The following HIVEP2 variants were observed in gnomAD, a reference collection of about 807,000 sequenced individuals.
HIVEP2 encodes the protein transcription factor HIVEP2.
HIVEP2 carries 14 observed loss-of-function variants against 180.7 expected under a neutral mutation model. The ratio of observed to expected loss-of-function variants is 0.08; its 90% confidence interval spans 0.05 to 0.12. HIVEP2 has a LOEUF of 0.12. HIVEP2 is among the 10% of genes least tolerant of loss of function. HIVEP2 has a pLI of 1.00. For missense variants in HIVEP2, 2,579 were observed against 3,008.5 expected, an observed-to-expected ratio of 0.86 and a Z score of 3.34; for synonymous variants, 1,184 against 1,136.4, an observed-to-expected ratio of 1.04 and a Z score of -0.84.
intron 1 of HIVEP2, among the ~76,000 whole-genome samples, chr6:142,930,048 C>T (rs1777905308): frequency 6.6e-6 from 1 of 152,118 alleles, no homozygotes; most frequent in South Asian, 2.1e-4. Flanking sequence ...TGTTGTTTTT[C>T]CAGAAAACTG....
chr6:142,794,951 AT>A (rs1316437380), intron 2 of HIVEP2, among the ~76,000 whole-genome samples: 1 of 152,110 alleles, frequency 6.6e-6, no homozygotes, highest in Non-Finnish European at 1.5e-5. Flanking sequence ...CCTGAAAATC[AT>A]TTTCAGTGTC....
chr6:142,837,419 T>C (rs1334487), intron 1 of HIVEP2, among the ~76,000 whole-genome samples: 23,846 of 152,138 alleles, frequency 0.16, 2,418 homozygotes, highest in Middle Eastern at 0.24. Context: ...TCTAATTTAC[T>C]TATGCAATGA....
At chr6:142,850,872 T>C (rs574027572) in intron 1 of HIVEP2, among the ~76,000 whole-genome samples, 1 of 152,222 alleles carries the variant, frequency 6.6e-6, no homozygotes, top group Non-Finnish European at 1.5e-5. Flanking sequence ...CCCTGAACAC[T>C]GTCGCAGGAC....
rs531667048 is a variant in HIVEP2, at chr6:142,829,230, C to T, written c.-528+7705G>A. Among the ~76,000 whole-genome samples, 65 of 152,264 alleles carry T rather than the reference C, an allele frequency of 4.3e-4. No individual in the cohort carries two copies. In the South Asian group the frequency reaches 0.013, roughly 30 times the overall value. Reference sequence around the variant, plus strand: ...GACGTTCTATACTCTCTAGGTCTCTCGGTTCCTCCCTTCCTCTTCTTTCAT... The same window carrying T: ...GACGTTCTATACTCTCTAGGTCTCTTGGTTCCTCCCTTCCTCTTCTTTCAT... On this transcript the variant is annotated intron_variant, in intron 2 of 9. Transcript: ENST00000367603.
At chr6:142,793,489 T>C (rs1292438654) in intron 2 of HIVEP2, among the ~76,000 whole-genome samples, 2 of 152,174 alleles carry the variant, frequency 1.3e-5, no homozygotes, top group Non-Finnish European at 2.9e-5. Context: ...TACCAAAATA[T>C]GTATTGCTTG....
At chr6:142,871,519 T>C (rs62432360) in intron 1 of HIVEP2, among the ~76,000 whole-genome samples, 26,946 of 152,044 alleles carry the variant, frequency 0.18, 2,580 homozygotes, top group South Asian at 0.22. Flanking sequence ...AAACAAAAAC[T>C]TTATTAAAAT....
At chr6:142,877,121 A>C (rs990087046) in intron 1 of HIVEP2, among the ~76,000 whole-genome samples, 2 of 152,158 alleles carry the variant, frequency 1.3e-5, no homozygotes, top group Non-Finnish European at 2.9e-5. Context: ...AACTTTGTAT[A>C]TTTTTGCCCT....
chr6:142,869,527 C>A (rs1219014718), intron 1 of HIVEP2, among the ~76,000 whole-genome samples: 1 of 152,018 alleles, frequency 6.6e-6, no homozygotes, highest in Non-Finnish European at 1.5e-5. Context: ...AATTTGTTTT[C>A]AGTATTTTAA....
chr6:142,865,894 C>T (rs972788028), intron 1 of HIVEP2, among the ~76,000 whole-genome samples: 5 of 152,194 alleles, frequency 3.3e-5, no homozygotes, highest in African/African-American at 1.2e-4. Flanking sequence ...GTCAGTTACA[C>T]TTCTAGGCCA....
intron 2 of HIVEP2, among the ~76,000 whole-genome samples, chr6:142,793,648 C>CT (rs1345352201): frequency 2.7e-5 from 1 of 37,208 alleles, no homozygotes; most frequent in Admixed American, 3.2e-4. Flanking sequence ...TTCTTTCTTT[C>CT]TTTCTTTCTT....
intron 1 of HIVEP2, among the ~76,000 whole-genome samples, chr6:142,863,462 C>CA (rs1245442100): frequency 6.6e-6 from 1 of 151,884 alleles, no homozygotes; most frequent in South Asian, 2.1e-4. Context: ...AATTACTATA[C>CA]AAAAAATAGC....
intron 2 of HIVEP2, among the ~76,000 whole-genome samples, chr6:142,818,616 T>C (rs9376708): frequency 0.68 from 95,683 of 140,046 alleles, 36,262 homozygotes; most frequent in Non-Finnish European, 0.85. Context: ...ATGCAGTGAG[T>C]CAAGATTGCA....
chr6:142,856,426 A>C (rs758272940), intron 1 of HIVEP2, among the ~76,000 whole-genome samples: 2 of 152,142 alleles, frequency 1.3e-5, no homozygotes, highest in Non-Finnish European at 2.9e-5. Flanking sequence ...CAAGGAGTTG[A>C]CTCCCCTCTC....
intron 3 of HIVEP2, among the ~76,000 whole-genome samples, chr6:142,782,368 T>G (rs1775880377): frequency 6.6e-6 from 1 of 152,142 alleles, no homozygotes; most frequent in African/African-American, 2.4e-5. Flanking sequence ...CACGAGTCAC[T>G]TAGACACTCA....
At chr6:142,780,633 C>G (rs1205614594) in intron 3 of HIVEP2, among the ~76,000 whole-genome samples, 1 of 152,144 alleles carries the variant, frequency 6.6e-6, no homozygotes, top group Non-Finnish European at 1.5e-5. Flanking sequence ...CACTTTTCTA[C>G]AGCTGCTTTA....
chr6:142,766,001 C>CA (rs1195592806), intron 6 of HIVEP2, among the ~76,000 whole-genome samples: 1 of 152,156 alleles, frequency 6.6e-6, no homozygotes, highest in African/African-American at 2.4e-5. Context: ...AACTGACATG[C>CA]AAAATGCCCT....
chr6:142,753,847 G>C lies in HIVEP2; in HGVS notation c.6601C>G (p.Leu2201Val). The C allele has an allele frequency of 6.2e-7, 1 of 1,613,808 alleles. No homozygotes were observed. Among genetic ancestry groups the C allele is most frequent in the Non-Finnish European group, 8.5e-7 (1 of 1,179,694 alleles). ...EGAYEHPGSS[L>V]FPEGPNDYVF... ...TAGTCATTAGGACCCTCAGGGAAAAGGCTGGAGCCTGGATGTTCATAAGCA... is the reference window on the plus strand; with the variant it reads ...TAGTCATTAGGACCCTCAGGGAAAACGCTGGAGCCTGGATGTTCATAAGCA... The change falls in exon 10 of 10, where the codon CTT (leucine) becomes GTT (valine). Residue 2201 changes from leucine (L) to valine (V), a missense_variant. By Grantham distance (32) the Leu-to-Val change is conservative. Around this residue, in one of 11 missense-constraint regions of HIVEP2, gnomAD observed 660 missense variants for 731.7 expected, o/e 0.90. Transcript: ENST00000367603.
intron 1 of HIVEP2, among the ~76,000 whole-genome samples, chr6:142,932,479 A>C (rs1380988137): frequency 6.6e-6 from 1 of 152,158 alleles, no homozygotes; most frequent in Non-Finnish European, 1.5e-5. Flanking sequence ...ATTAAAAAAA[A>C]CTCAGCCTGG....
chr6:142,793,673 T>TTCTTTCTCTCTCTCTC (rs1289211652), intron 2 of HIVEP2, among the ~76,000 whole-genome samples: 40 of 107,504 alleles, frequency 3.7e-4, no homozygotes, highest in African/African-American at 1.4e-3. Context: ...CTTTCTTTCT[T>TTCTTTCTCTCTCTCTC]TCTCTCTCTC....
Sources: gnomAD v4.1 joint callset for allele counts (sites outside exome capture counted in the v4.1 genomes callset) on GRCh38, gnomAD v4.1.1 for gene constraint, gnomAD v4.1.1 regional missense constraint, MANE v1.5 for transcripts, NCBI Gene and HGNC (gene_info 2026-07-23, HGNC 2026-07-21) for gene names.